The following IST1 variants were observed in gnomAD, a reference collection of about 807,000 sequenced individuals.
The protein encoded by IST1 is IST1 factor associated with ESCRT-III.
In IST1, 23 loss-of-function variants were observed where a neutral mutation model predicts 37.0. The observed-to-expected ratio is 0.62, with a 90% CI of 0.45 to 0.88. The LOEUF (loss-of-function observed/expected upper bound fraction) is 0.88. IST1 is among the 40% of genes least tolerant of loss of function. The pLI is 0.00. For missense variants in IST1, 488 were observed against 445.4 expected (o/e 1.10, Z -0.86); for synonymous variants, 180 against 161.7 (o/e 1.11, Z -0.86).
Position 71,930,092 on chromosome 16 carries a change from G to A in IST1, c.*2279G>A. On this transcript the variant is annotated 3_prime_UTR_variant, in exon 10 of 10. Transcript: ENST00000378799. ...TTCTTTTCCAAAGGCCATGAGAATG[G>A]CCGAAACGAAAAGATTAATTACCAC... The A allele has an allele frequency of 1.3e-6, 2 of 1,551,500 alleles. No individual in the cohort carries two copies. The highest frequency in any genetic ancestry group is 2.4e-5 in the East Asian group (1 of 40,912).
At chr16:71,905,228 G>T (rs1301356873) in intron 1 of IST1, among the ~76,000 whole-genome samples, 2 of 151,862 alleles carry the variant, frequency 1.3e-5, no homozygotes, top group African/African-American at 4.8e-5. Context: ...TAGAGATGGG[G>T]TTTTACTATG....
intron 1 of IST1, among the ~76,000 whole-genome samples, chr16:71,897,801 C>T (rs929797297): frequency 2.6e-5 from 4 of 151,596 alleles, no homozygotes; most frequent in African/African-American, 9.7e-5. Context: ...CAAAAATTAG[C>T]CAGGAGTGTT....
At chr16:71,924,336 G>A (rs116650479) in intron 8 of IST1, 6,648 of 383,102 alleles carry the variant, frequency 0.017, 376 homozygotes, top group African/African-American at 0.13. Flanking sequence ...GGGGCTGGGC[G>A]GGGTGGTTCA....
intron 1 of IST1, 66 bp downstream of exon 1, chr16:71,895,655 C>A: frequency 1.5e-6 from 1 of 680,706 alleles, no homozygotes; most frequent in Non-Finnish European, 1.8e-6. Flanking sequence ...CCTGATTTAG[C>A]GGTCTCTAGT....
At chr16:71,901,033 ATTTG>A (rs1178032057) in intron 1 of IST1, among the ~76,000 whole-genome samples, 5 of 152,292 alleles carry the variant, frequency 3.3e-5, no homozygotes, top group Non-Finnish European at 4.4e-5. Context: ...ATGTATAAAA[ATTTG>A]TTTATGTTTG....
chr16:71,900,215 C>A (rs1328758413), intron 1 of IST1, among the ~76,000 whole-genome samples: 2 of 150,900 alleles, frequency 1.3e-5, no homozygotes, highest in Non-Finnish European at 3.0e-5. Context: ...ACGTCAAAAC[C>A]AAAAGCTTTT....
rs1005941934 is a variant in IST1 at position 71,930,303 on chromosome 16, G to C, written c.*2490G>C. ...GAAAAGCTTATCCGAAGGAAACTTA[G>C]GGAGAGAGTCAAAAGATAATAAGAA... is the stretch of plus-strand genomic sequence containing the variant. On this transcript the variant is annotated 3_prime_UTR_variant, in exon 10 of 10. Coordinates refer to ENST00000378799, the MANE Select transcript of IST1 (RefSeq NM_001270975.2). The C allele has an allele frequency of 1.2e-5, 12 of 1,024,100 alleles. No individual in the cohort carries two copies. Among genetic ancestry groups the C allele is most frequent in the Non-Finnish European group, 1.5e-5 (11 of 749,518 alleles). The allele number at this position is 1,024,100 out of a possible 1,614,324, so 63.4% of individuals were successfully genotyped here. A position where few individuals can be genotyped will look rare whatever the true frequency, so the allele number is the denominator to read the frequency against.
chr16:71,909,170 G>C (rs1043408152), intron 1 of IST1, among the ~76,000 whole-genome samples: 1 of 137,610 alleles, frequency 7.3e-6, no homozygotes, highest in South Asian at 2.3e-4. Flanking sequence ...CATGAACATA[G>C]CTCTCTGTTG....
chr16:71,904,346 C>T (rs2037174025), intron 1 of IST1, among the ~76,000 whole-genome samples: 1 of 152,212 alleles, frequency 6.6e-6, no homozygotes. Flanking sequence ...TGATCTCGAA[C>T]TCCTGACCTA....
chr16:71,911,373 C>G (rs950831401), intron 1 of IST1, among the ~76,000 whole-genome samples: 1 of 151,402 alleles, frequency 6.6e-6, no homozygotes, highest in African/African-American at 2.4e-5. Context: ...AAAACTATTG[C>G]TATACAAAGT....
At chr16:71,924,496 C>T (rs536231014) in intron 8 of IST1, 22 of 543,120 alleles carry the variant, frequency 4.1e-5, no homozygotes, top group South Asian at 8.4e-5. Context: ...GAGGCTGAGG[C>T]GGGGCAATGG....
At chr16:71,925,139 A>C (rs975454935) in intron 9 of IST1, among the ~76,000 whole-genome samples, 3 of 147,584 alleles carry the variant, frequency 2.0e-5, no homozygotes, top group African/African-American at 5.1e-5. Flanking sequence ...CAGCCTCCTG[A>C]GTAGCTGGGA....
chr16:71,895,836 C>G (rs2036954415), intron 1 of IST1, among the ~76,000 whole-genome samples: 1 of 152,216 alleles, frequency 6.6e-6, no homozygotes, highest in African/African-American at 2.4e-5. Flanking sequence ...GGTCGGAGGC[C>G]TCTGGTCCTG....
At chr16:71,924,471 G>C (rs762682308) in intron 8 of IST1, 3 of 513,336 alleles carry the variant, frequency 5.8e-6, no homozygotes, top group Non-Finnish European at 1.1e-5. Context: ...CATGCCTGTG[G>C]TCCCAGCTAT....
chr16:71,910,655 G>C (rs189415367), intron 1 of IST1, among the ~76,000 whole-genome samples: 4 of 151,750 alleles, frequency 2.6e-5, no homozygotes, highest in Non-Finnish European at 5.9e-5. Flanking sequence ...TATAGGATTC[G>C]GTATGATCTG....
chr16:71,917,447 G>A (rs996774281), intron 4 of IST1, among the ~76,000 whole-genome samples: 1 of 152,126 alleles, frequency 6.6e-6, no homozygotes, highest in African/African-American at 2.4e-5. Context: ...ATAACATTAA[G>A]GTGACAGATG....
At chr16:71,898,964 CAAAAAAAA>C (rs10711796) in intron 1 of IST1, among the ~76,000 whole-genome samples, 1 of 110,290 alleles carries the variant, frequency 9.1e-6, no homozygotes, top group East Asian at 2.6e-4. Flanking sequence ...GCCTCTATCT[CAAAAAAAA>C]AAAAAAAAAA....
chr16:71,896,388 T>G (rs2036972516), intron 1 of IST1, among the ~76,000 whole-genome samples: 1 of 152,166 alleles, frequency 6.6e-6, no homozygotes, highest in African/African-American at 2.4e-5. Context: ...GAAACTTGAA[T>G]TTTAAAATTA....
chr16:71,923,628 T>C, intron 8 of IST1: 1 of 345,098 alleles, frequency 2.9e-6, no homozygotes, highest in Non-Finnish European at 5.3e-6. Flanking sequence ...GCAGATTTCT[T>C]AGAAAGTTGT....
Sources: allele counts gnomAD v4.1 joint callset (sites outside exome capture counted in the v4.1 genomes callset), GRCh38; gene constraint gnomAD v4.1.1; transcripts MANE v1.5; gene names NCBI Gene and HGNC (gene_info 2026-07-23, HGNC 2026-07-21).